The following OR51B5 variants were observed in gnomAD, a reference collection of about 807,000 sequenced individuals.
The protein encoded by OR51B5 is olfactory receptor family 51 subfamily B member 5.
For synonymous variants in OR51B5, 186 were observed against 144.8 expected, an observed-to-expected ratio of 1.28 and a Z score of -2.04; for missense variants, 456 against 374.6, an observed-to-expected ratio of 1.22 and a Z score of -1.79.
chr11:5,491,775 A>G (rs1306471830), intron 1 of OR51B5, among the ~76,000 whole-genome samples: 2 of 152,220 alleles, frequency 1.3e-5, no homozygotes, highest in African/African-American at 4.8e-5. Flanking sequence ...ATCCCAGTGT[A>G]CAGCATCATC....
In OR51B5 at chr11:5,422,909, C is replaced by T. The variant is rs761709949; in HGVS notation, n.85-75999G>A. The stretch of plus-strand genomic sequence containing the variant: ...GGGCACAGCCACCTGGGCTGAGCGA[C>T]TCCGTGCCCTCAATAACTGCCTGTC... On this transcript the variant is annotated intron_variant and non_coding_transcript_variant, in intron 1 of 4. Transcript: ENST00000415970. 6.2e-7 allele frequency: 1 copy of T among 1,614,016 alleles called. No homozygotes were observed. The highest frequency in any genetic ancestry group is 1.7e-5 in the Admixed American group (1 of 60,022).
intron 1 of OR51B5, among the ~76,000 whole-genome samples, chr11:5,412,415 A>G (rs1463719467): frequency 6.6e-6 from 1 of 152,106 alleles, no homozygotes; most frequent in Non-Finnish European, 1.5e-5. Context: ...GGTTCATCTC[A>G]CTAGGGAGTG....
chr11:5,496,587 C>T (rs1350680730), intron 1 of OR51B5, among the ~76,000 whole-genome samples: 1 of 152,214 alleles, frequency 6.6e-6, no homozygotes, highest in Admixed American at 6.5e-5. Flanking sequence ...CGATAACACA[C>T]TCCAGGATAC....
At position 5,352,133 on chromosome 11, in the gene OR51B5, T is replaced by A. The variant is rs752824600; in HGVS notation, n.85-5223A>T. The A allele has an allele frequency of 1.5e-5, 24 of 1,614,202 alleles. No individual in the cohort carries two copies. The Middle Eastern group carries it at 1.3e-3, about 89-fold the overall frequency. On this transcript the variant is annotated intron_variant and non_coding_transcript_variant, in intron 1 of 4. Transcript: ENST00000415970. ...TTATTTGCAATGGTCTTGTTGGACT[T>A]TCTCATCATCTTTTTCTCCTACATT...
chr11:5,454,155 C>T lies in OR51B5; in HGVS notation n.84+51414G>A, dbSNP rs779247890. Reference sequence around the variant, plus strand: ...CTTCCTCTCCTATGTGCTCATTCTGCGTTCTGTCATGGCCACTGCTTCCCG... The same window carrying T: ...CTTCCTCTCCTATGTGCTCATTCTGTGTTCTGTCATGGCCACTGCTTCCCG... On this transcript the variant is annotated intron_variant and non_coding_transcript_variant, in intron 1 of 4. Coordinates refer to the OR51B5 transcript ENST00000415970. 8.1e-6 allele frequency: 13 copies of T among 1,614,046 alleles called. No homozygotes were observed. The highest frequency in any genetic ancestry group is 4.4e-5 in the South Asian group (4 of 91,082).
downstream of OR51B5, chr11:5,342,510 G>A (rs34830940): frequency 7.4e-6 from 11 of 1,495,228 alleles, no homozygotes; most frequent in Non-Finnish European, 9.8e-6. Flanking sequence ...ATGCATGCTA[G>A]ATATGAGACT....
chr11:5,502,292 T>C (rs1386380690), intron 1 of OR51B5, among the ~76,000 whole-genome samples: 1 of 152,178 alleles, frequency 6.6e-6, no homozygotes, highest in Non-Finnish European at 1.5e-5. Flanking sequence ...CCACATCACC[T>C]TGAAGCACTC....
intron 1 of OR51B5, chr11:5,489,318 T>G: frequency 1.2e-6 from 2 of 1,614,062 alleles, no homozygotes; most frequent in Non-Finnish European, 1.7e-6. Context: ...ATGGGCTAAC[T>G]GTGGCTCTGC....
intron 1 of OR51B5, chr11:5,453,819 G>C (rs142182221): frequency 6.2e-7 from 1 of 1,614,194 alleles, no homozygotes; most frequent in South Asian, 1.1e-5. Context: ...CTCCATGATG[G>C]AATCAGGTAT....
At chr11:5,502,026 T>C (rs1001675776) in intron 1 of OR51B5, among the ~76,000 whole-genome samples, 1 of 152,156 alleles carries the variant, frequency 6.6e-6, no homozygotes, top group Non-Finnish European at 1.5e-5. Flanking sequence ...TCTTTAATCT[T>C]GCACATTTAA....
intron 1 of OR51B5, among the ~76,000 whole-genome samples, chr11:5,378,528 T>G (rs1405133058): frequency 6.6e-6 from 1 of 152,040 alleles, no homozygotes; most frequent in Admixed American, 6.6e-5. Flanking sequence ...ACAGGCAACC[T>G]ACACAATGGG....
At chr11:5,487,077 T>C (rs1851508957) in intron 1 of OR51B5, among the ~76,000 whole-genome samples, 1 of 152,084 alleles carries the variant, frequency 6.6e-6, no homozygotes, top group African/African-American at 2.4e-5. Context: ...TAATGGACAG[T>C]AGGGTGAGGC....
intron 1 of OR51B5, chr11:5,390,099 T>G (rs1413595584): frequency 2.5e-6 from 4 of 1,613,696 alleles, no homozygotes; most frequent in Non-Finnish European, 3.4e-6. Context: ...GGACTCATCC[T>G]GCACACAGTA....
chr11:5,478,444 A>C (rs1417778118), intron 1 of OR51B5, among the ~76,000 whole-genome samples: 41 of 152,066 alleles, frequency 2.7e-4, no homozygotes, highest in Non-Finnish European at 4.7e-4. Flanking sequence ...AACTCTAAAA[A>C]GCAGAGCACC....
chr11:5,478,227 G>GGAGGCACCCCCCAGCAGGGGCATACT (rs1851348748), intron 1 of OR51B5, among the ~76,000 whole-genome samples: 1 of 152,032 alleles, frequency 6.6e-6, no homozygotes, highest in African/African-American at 2.4e-5. Context: ...AGCCTAACTG[G>GGAGGCACCCCCCAGCAGGGGCATACT]GAGGCACCCC....
intron 1 of OR51B5, among the ~76,000 whole-genome samples, chr11:5,424,774 G>A (rs1038592483): frequency 1.4e-5 from 2 of 138,800 alleles, no homozygotes; most frequent in East Asian, 2.0e-4. Flanking sequence ...GACGTCAGCA[G>A]ATGGAGACCA....
At chr11:5,420,165 A>G (rs1850309923) in intron 1 of OR51B5, among the ~76,000 whole-genome samples, 1 of 152,034 alleles carries the variant, frequency 6.6e-6, no homozygotes, top group African/African-American at 2.4e-5. Context: ...AAATTATTTT[A>G]TCATTTACTA....
chr11:5,494,058 T>G (rs1345724268), intron 1 of OR51B5, among the ~76,000 whole-genome samples: 1 of 152,230 alleles, frequency 6.6e-6, no homozygotes, highest in Non-Finnish European at 1.5e-5. Flanking sequence ...CATAGCTGGC[T>G]GTCAGCCAGC....
chr11:5,428,155 C>CAAGT (rs143710755), intron 1 of OR51B5, among the ~76,000 whole-genome samples: 15,444 of 151,812 alleles, frequency 0.1, 1,107 homozygotes, highest in African/African-American at 0.2. Context: ...ACATGCTCAA[C>CAAGT]AAGTAAATTT....
Sources: allele counts gnomAD v4.1 joint callset (sites outside exome capture counted in the v4.1 genomes callset), GRCh38; gene constraint gnomAD v4.1.1; transcripts MANE v1.5; gene names NCBI Gene and HGNC (gene_info 2026-07-23, HGNC 2026-07-21).